Variants in APBB1IP observed in about 807,000 individuals in gnomAD.
APBB1IP encodes amyloid beta precursor protein binding family B member 1 interacting protein, also known as amyloid beta A4 precursor protein-binding family B member 1-interacting protein.
A neutral mutation model predicts 64.9 loss-of-function variants in APBB1IP; 27 were observed. That is an observed-to-expected ratio of 0.42 (90% confidence interval 0.31 to 0.57). APBB1IP has a LOEUF of 0.57. Ranked by LOEUF, APBB1IP falls within the 20% of genes least tolerant of loss-of-function variation. The probability of loss-of-function intolerance (pLI) is 0.20; values close to 1 mark genes in which losing one functional copy is unlikely to be tolerated. For missense variants in APBB1IP, 812 were observed against 845.5 expected (o/e 0.96, Z 0.49); for synonymous variants, 392 against 331.0 (o/e 1.18, Z -2.00).
chr10:26,441,065 G>A (rs538772787), intron 2 of APBB1IP, among the ~76,000 whole-genome samples: 1 of 152,044 alleles, frequency 6.6e-6, no homozygotes, highest in Non-Finnish European at 1.5e-5. Flanking sequence ...TGGAGACTAC[G>A]GTGATCTTAG....
At chr10:26,444,193 C>A (rs1835367342) in intron 2 of APBB1IP, among the ~76,000 whole-genome samples, 1 of 152,008 alleles carries the variant, frequency 6.6e-6, no homozygotes, top group African/African-American at 2.4e-5. Context: ...ATTTGAGAAG[C>A]AACAAGAAGG....
intron 2 of APBB1IP, among the ~76,000 whole-genome samples, chr10:26,471,677 G>A (rs1011970683): frequency 3.3e-5 from 5 of 151,884 alleles, no homozygotes; most frequent in Non-Finnish European, 7.4e-5. Context: ...GACCTGCACT[G>A]TTTAAGCTTT....
chr10:26,562,453 C>G, intron 14 of APBB1IP, 24 bp downstream of exon 14: 2 of 1,583,912 alleles, frequency 1.3e-6, no homozygotes, highest in African/African-American at 1.3e-5. Context: ...GCAGCTGACC[C>G]CTATAAGCCA....
At chr10:26,564,856 A>C (rs180930820) in intron 14 of APBB1IP, among the ~76,000 whole-genome samples, 1 of 152,106 alleles carries the variant, frequency 6.6e-6, no homozygotes, top group Admixed American at 6.5e-5. Context: ...AGAAAAAGTA[A>C]ACTTATTAGA....
chr10:26,508,349 C>T (rs924515317), intron 6 of APBB1IP, among the ~76,000 whole-genome samples: 10 of 150,588 alleles, frequency 6.6e-5, no homozygotes, highest in Admixed American at 2.0e-4. Context: ...TAAAAATGCC[C>T]TGGGACACCA....
At chr10:26,493,954 A>C (rs1835989092) in intron 3 of APBB1IP, among the ~76,000 whole-genome samples, 1 of 152,120 alleles carries the variant, frequency 6.6e-6, no homozygotes, top group African/African-American at 2.4e-5. Context: ...CTCTGGCCTC[A>C]GCCTCCCAAG....
At chr10:26,507,327 A>C (rs1836194576) in intron 6 of APBB1IP, among the ~76,000 whole-genome samples, 1 of 152,180 alleles carries the variant, frequency 6.6e-6, no homozygotes, top group East Asian at 1.9e-4. Context: ...CCCCATCTCC[A>C]CAAAAATAAA....
chr10:26,486,842 T>A (rs1363355931), intron 2 of APBB1IP, among the ~76,000 whole-genome samples: 1 of 152,156 alleles, frequency 6.6e-6, no homozygotes, highest in Non-Finnish European at 1.5e-5. Flanking sequence ...AACTGAAGCC[T>A]AGAAATATTA....
chr10:26,467,024 T>A (rs1467328018), intron 2 of APBB1IP, among the ~76,000 whole-genome samples: 7 of 152,184 alleles, frequency 4.6e-5, no homozygotes, highest in African/African-American at 1.7e-4. Context: ...ACACCAGATT[T>A]TTTTTCATTC....
intron 11 of APBB1IP, among the ~76,000 whole-genome samples, chr10:26,559,106 A>C (rs932935243): frequency 6.6e-6 from 1 of 152,214 alleles, no homozygotes; most frequent in South Asian, 2.1e-4. Context: ...CACAATTCTC[A>C]TAGGCATTAA....
chr10:26,548,179 A>G (rs11015168), intron 11 of APBB1IP, among the ~76,000 whole-genome samples: 6,126 of 152,278 alleles, frequency 0.04, 412 homozygotes, highest in African/African-American at 0.14. Flanking sequence ...GTGAAGTATG[A>G]CATTAAAATT....
chr10:26,447,307 G>A (rs1278445543), intron 2 of APBB1IP, among the ~76,000 whole-genome samples: 11 of 148,176 alleles, frequency 7.4e-5, no homozygotes, highest in East Asian at 2.0e-4. Flanking sequence ...CCCAGGAAGC[G>A]GAGTTTGCAG....
chr10:26,514,913 C>A (rs1057229482), intron 8 of APBB1IP, among the ~76,000 whole-genome samples: 1 of 151,816 alleles, frequency 6.6e-6, no homozygotes, highest in Non-Finnish European at 1.5e-5. Flanking sequence ...TCTTCTGTTG[C>A]CAGGCTGGAG....
intron 2 of APBB1IP, among the ~76,000 whole-genome samples, chr10:26,455,203 T>A (rs1018970520): frequency 1.3e-5 from 2 of 152,142 alleles, no homozygotes; most frequent in African/African-American, 2.4e-5. Flanking sequence ...ATATGGGCCA[T>A]GGAGTAAAGT....
intron 2 of APBB1IP, among the ~76,000 whole-genome samples, chr10:26,480,634 T>C (rs1303153228): frequency 2.0e-5 from 3 of 146,510 alleles, no homozygotes; most frequent in African/African-American, 7.6e-5. Flanking sequence ...TTTTTTTTTT[T>C]TTTTTTTTTT....
At chr10:26,486,458 G>A (rs1835892880) in intron 2 of APBB1IP, among the ~76,000 whole-genome samples, 1 of 152,170 alleles carries the variant, frequency 6.6e-6, no homozygotes, top group African/African-American at 2.4e-5. Context: ...AGACTGATAT[G>A]TGACTAATGG....
At position 26,567,470 on chromosome 10, in the gene APBB1IP, G is replaced by A. The variant is rs780243085; in HGVS notation, c.1983G>A (p.Lys661=). Residue 661 remains lysine, a synonymous_variant, in exon 15 of 15, where the codon AAG becomes AAA. Transcript: ENST00000376236. ...ACCTCATGAAAGCTTTGCAAAAGAA[G>A]AGAGGCAACGTGTCCTAGGGACGGG... ...MSDLMKALQK[K]RGNVS is the part of the protein sequence containing the mutation. 1.9e-6 allele frequency: 3 copies of A among 1,587,850 alleles called. No individual in the cohort carries two copies. The highest frequency in any genetic ancestry group is 2.6e-6 in the Non-Finnish European group (3 of 1,162,416).
At chr10:26,463,368 A>T (rs993155108) in intron 2 of APBB1IP, among the ~76,000 whole-genome samples, 4 of 152,188 alleles carry the variant, frequency 2.6e-5, no homozygotes, top group African/African-American at 9.7e-5. Flanking sequence ...TGAACCCAGG[A>T]GTTTGAAGCT....
intron 2 of APBB1IP, among the ~76,000 whole-genome samples, chr10:26,441,602 C>T (rs1465971493): frequency 1.3e-5 from 2 of 152,094 alleles, no homozygotes; most frequent in Non-Finnish European, 2.9e-5. Flanking sequence ...CTGAGTGGTA[C>T]CATGGAAATA....
Sources: allele counts gnomAD v4.1 joint callset (sites outside exome capture counted in the v4.1 genomes callset), GRCh38; gene constraint gnomAD v4.1.1; transcripts MANE v1.5; gene names NCBI Gene and HGNC (gene_info 2026-07-23, HGNC 2026-07-21).